UNC93A: variants seen among roughly 807,000 people sequenced by gnomAD.
The protein encoded by UNC93A is N-acetylglucosamine transporter UNC93A.
In UNC93A, 43 loss-of-function variants were observed where a neutral mutation model predicts 47.5. The observed-to-expected ratio is 0.91, with a 90% CI of 0.71 to 1.17. UNC93A has a LOEUF of 1.17. Among genes scored for constraint, UNC93A ranks in the 50% most tolerant of loss-of-function variants. The probability of loss-of-function intolerance (pLI) is 0.00; values close to 1 mark genes in which losing one functional copy is unlikely to be tolerated. For synonymous variants in UNC93A, 280 were observed against 258.0 expected (o/e 1.09, Z -0.82); for missense variants, 605 against 577.6 (o/e 1.05, Z -0.49).
chr6:167,306,959 C>A (rs111357172), intron 6 of UNC93A, among the ~76,000 whole-genome samples: 1 of 152,082 alleles, frequency 6.6e-6, no homozygotes, highest in African/African-American at 2.4e-5. Context: ...CCTGCTGGGA[C>A]GAGTCACAAG....
rs541326375 is a variant in UNC93A at position 167,303,307 on chromosome 6, C to T, written c.626-612C>T. Among the ~76,000 whole-genome samples, 36 of 152,346 alleles carry T rather than the reference C, an allele frequency of 2.4e-4. No individual in the cohort carries two copies. In the East Asian group the frequency reaches 6.9e-3, roughly 29 times the overall value. On this transcript the variant is annotated intron_variant, in intron 4 of 7. Transcript: ENST00000230256. ...TTGGTAGCGCACTCTACACAGAGGT[C>T]TGCATCTTGCTTGTTTTTTCTCTTT...
chr6:167,285,007 ACAT>A (rs200334541), intron 1 of UNC93A, among the ~76,000 whole-genome samples: 2,790 of 152,234 alleles, frequency 0.018, 26 homozygotes, highest in African/African-American at 0.064. Flanking sequence ...TTCTCAAAAC[ACAT>A]CATCAGCTTG....
chr6:167,299,781 T>G (rs1309948770), intron 4 of UNC93A, among the ~76,000 whole-genome samples: 1 of 152,090 alleles, frequency 6.6e-6, no homozygotes, highest in African/African-American at 2.4e-5. Context: ...AGGCGAGATG[T>G]CCAGGAAGAG....
Position 167,315,771 on chromosome 6 carries a change from A to G in UNC93A, c.*319A>G, listed in dbSNP as rs564776386. 9.1e-6 allele frequency: 2 copies of G among 220,878 alleles called. No homozygotes were observed. Among genetic ancestry groups the G allele is most frequent in the South Asian group, 1.5e-4 (2 of 13,664 alleles). The allele number at this position is 220,878 out of a possible 1,614,324, so 13.7% of individuals were successfully genotyped here. On this transcript the variant is annotated 3_prime_UTR_variant, in exon 8 of 8. Coordinates refer to ENST00000230256, the MANE Select transcript of UNC93A (RefSeq NM_018974.4). Reference sequence around the variant, plus strand: ...AGACTCACCCTAGTTTTATTGCTGTAGTTGTTTTTAAGAATTGGAAGCCTG... The same window carrying G: ...AGACTCACCCTAGTTTTATTGCTGTGGTTGTTTTTAAGAATTGGAAGCCTG...
intron 7 of UNC93A, among the ~76,000 whole-genome samples, chr6:167,314,528 C>A (rs1002628907): frequency 6.6e-6 from 1 of 152,180 alleles, no homozygotes; most frequent in South Asian, 2.1e-4. Context: ...CCAAAAGGAG[C>A]CCTGTGTTTA....
intron 1 of UNC93A, among the ~76,000 whole-genome samples, chr6:167,271,795 G>T (rs1329131197): frequency 2.0e-5 from 3 of 152,170 alleles, no homozygotes; most frequent in Non-Finnish European, 2.9e-5. Flanking sequence ...TTAGAACTTG[G>T]GCTGATAGAG....
At chr6:167,313,120 C>T (rs1159815053) in intron 7 of UNC93A, among the ~76,000 whole-genome samples, 1 of 152,188 alleles carries the variant, frequency 6.6e-6, no homozygotes, top group East Asian at 1.9e-4. Context: ...TCACCTCTGT[C>T]TGGGGCCACA....
chr6:167,270,861 C>T (rs767327799), upstream of UNC93A, among the ~76,000 whole-genome samples: 3 of 152,204 alleles, frequency 2.0e-5, no homozygotes, highest in Non-Finnish European at 2.9e-5. Context: ...CGGCTGACAC[C>T]GTGGGTGCAG....
chr6:167,294,844 T>A, intron 2 of UNC93A, 146 bp downstream of exon 2: 1 of 890,988 alleles, frequency 1.1e-6, no homozygotes, highest in Non-Finnish European at 1.7e-6. Context: ...CACCCCCGCC[T>A]CGCTTTGGTG....
chr6:167,291,650 A>T (rs1452301227), intron 1 of UNC93A, 74 bp downstream of exon 1: 1 of 1,427,300 alleles, frequency 7.0e-7, no homozygotes, highest in Non-Finnish European at 9.6e-7. Context: ...GACAATAATG[A>T]ATTGGAAATT....
At chr6:167,310,967 T>C (rs1778540047) in intron 7 of UNC93A, among the ~76,000 whole-genome samples, 1 of 152,226 alleles carries the variant, frequency 6.6e-6, no homozygotes, top group South Asian at 2.1e-4. Flanking sequence ...GTGAGTGGCA[T>C]TTTAGTGCCG....
Position 167,279,161 on chromosome 6 carries a change from T to C in UNC93A, c.-52+7703T>C, listed in dbSNP as rs61082583. ...TAAAAAGAATGTGTTTCAGTGGAAA[T>C]CTATGGCACATACTTTTAGGCTGTT... On this transcript the variant is annotated intron_variant, in intron 1 of 3. Transcript: ENST00000503433. Among the ~76,000 whole-genome samples, 94 of 152,302 alleles carry C rather than the reference T, an allele frequency of 6.2e-4. 2 individuals carry two copies. The East Asian group carries it at 0.018, about 29-fold the overall frequency.
At chr6:167,284,429 G>A (rs1021821433) in intron 1 of UNC93A, among the ~76,000 whole-genome samples, 1 of 152,248 alleles carries the variant, frequency 6.6e-6, no homozygotes, top group Non-Finnish European at 1.5e-5. Context: ...AAGGCAGTGG[G>A]GTAAAGGGGT....
At chr6:167,312,065 C>T (rs1778572257) in intron 7 of UNC93A, among the ~76,000 whole-genome samples, 1 of 151,836 alleles carries the variant, frequency 6.6e-6, no homozygotes, top group Non-Finnish European at 1.5e-5. Context: ...TCTGTGACAG[C>T]TTTTCATTTT....
At chr6:167,288,323 G>A (rs928346411), upstream of UNC93A, among the ~76,000 whole-genome samples, 1 of 152,180 alleles carries the variant, frequency 6.6e-6, no homozygotes, top group Non-Finnish European at 1.5e-5. Flanking sequence ...AGCTCAGGAG[G>A]TGGCCTGTCT....
chr6:167,289,504 T>C (rs1230449352), upstream of UNC93A, among the ~76,000 whole-genome samples: 1 of 151,984 alleles, frequency 6.6e-6, no homozygotes, highest in Non-Finnish European at 1.5e-5. Flanking sequence ...TCAATCCTAG[T>C]AGAAGTGCTG....
At chr6:167,280,281 T>C (rs1455071552) in intron 1 of UNC93A, among the ~76,000 whole-genome samples, 1 of 152,120 alleles carries the variant, frequency 6.6e-6, no homozygotes, top group Non-Finnish European at 1.5e-5. Flanking sequence ...TCAAATCCTT[T>C]GTAGAGGCTG....
intron 7 of UNC93A, among the ~76,000 whole-genome samples, chr6:167,314,634 A>G (rs1469695654): frequency 6.6e-6 from 1 of 152,206 alleles, no homozygotes; most frequent in East Asian, 1.9e-4. Context: ...CTCCCGTTCT[A>G]TTCAAAGTCA....
chr6:167,289,912 T>C (rs1783812227), upstream of UNC93A, among the ~76,000 whole-genome samples: 1 of 152,210 alleles, frequency 6.6e-6, no homozygotes, highest in South Asian at 2.1e-4. Flanking sequence ...TAATTTGTAT[T>C]GTCTCTGAAA....
Sources: gnomAD v4.1 joint callset for allele counts (sites outside exome capture counted in the v4.1 genomes callset) on GRCh38, gnomAD v4.1.1 for gene constraint, MANE v1.5 for transcripts, NCBI Gene and HGNC (gene_info 2026-07-23, HGNC 2026-07-21) for gene names.